Variants in TAF3 observed in about 807,000 individuals in gnomAD.
TAF3 encodes the protein TATA-box binding protein associated factor 3, also known as transcription initiation factor TFIID subunit 3.
Under a neutral mutation model 80.6 loss-of-function variants are expected in TAF3, and 7 were observed. The observed-to-expected ratio is 0.09, with a 90% CI of 0.05 to 0.16. The LOEUF (loss-of-function observed/expected upper bound fraction) is 0.16, where lower values mean the gene tolerates loss of function less well. Among genes scored for constraint, TAF3 ranks in the 10% least tolerant of loss-of-function variants. The pLI is 1.00. For synonymous variants in TAF3, 444 were observed against 446.1 expected (o/e 1.00, Z 0.06); for missense variants, 921 against 1,140.2 (o/e 0.81, Z 2.77).
intron 2 of TAF3, among the ~76,000 whole-genome samples, chr10:7,903,184 C>T (rs1397202783): frequency 6.6e-6 from 1 of 152,196 alleles, no homozygotes; most frequent in Admixed American, 6.5e-5. Flanking sequence ...TGTGCCACTG[C>T]ACTCTCAGCC....
intron 2 of TAF3, among the ~76,000 whole-genome samples, chr10:7,933,347 C>T (rs1044885421): frequency 1.3e-5 from 2 of 152,156 alleles, no homozygotes; most frequent in African/African-American, 4.8e-5. Context: ...TCTGCATCTC[C>T]CCAGAGCAGT....
At chr10:7,871,435 C>CTTTTTGTTTTTTTTTTTTTTTTTTTTTT (rs1837263999) in intron 2 of TAF3, among the ~76,000 whole-genome samples, 1 of 69,116 alleles carries the variant, frequency 1.4e-5, no homozygotes, top group Non-Finnish European at 2.9e-5. Context: ...ATAACTGCTG[C>CTTTTTGTTTTTTTTTTTTTTTTTTTTTT]TTTTTTTTTT....
At chr10:7,943,803 T>A (rs1393390050) in intron 2 of TAF3, among the ~76,000 whole-genome samples, 1 of 152,216 alleles carries the variant, frequency 6.6e-6, no homozygotes, top group African/African-American at 2.4e-5. Flanking sequence ...AAAATACTAA[T>A]GAATTTGGAA....
chr10:7,841,790 G>A (rs976198406), intron 2 of TAF3, among the ~76,000 whole-genome samples: 9 of 152,208 alleles, frequency 5.9e-5, no homozygotes, highest in Admixed American at 3.3e-4. Context: ...TAAATATCCA[G>A]ATCTTAAACA....
intron 2 of TAF3, 26 bp from the exon 3 acceptor site, chr10:7,963,894 T>C: frequency 1.3e-6 from 2 of 1,510,962 alleles, no homozygotes; most frequent in Non-Finnish European, 8.8e-7. Flanking sequence ...TATTTATTTT[T>C]TTCTTCCTTT....
Position 7,872,085 on chromosome 10 carries a change from C to G in TAF3, c.409+47525C>G, listed in dbSNP as rs576242448. The stretch of plus-strand genomic sequence containing the variant: ...TTTCATTATTTATATTAAAGAAAGT[C>G]AGCGAAATTTCCATAATTAAAGTTT... On this transcript the variant is annotated intron_variant, in intron 2 of 6. Coordinates refer to ENST00000344293, the MANE Select transcript of TAF3 (RefSeq NM_031923.4). Among the ~76,000 whole-genome samples the G allele has an allele frequency of 2.0e-5, 3 of 152,188 alleles. No homozygotes were observed. In the East Asian group the frequency reaches 5.8e-4, roughly 29 times the overall value.
chr10:7,902,215 G>A (rs989000541), intron 2 of TAF3, among the ~76,000 whole-genome samples: 3 of 152,106 alleles, frequency 2.0e-5, no homozygotes, highest in African/African-American at 7.2e-5. Flanking sequence ...CTTGAGGTCG[G>A]GAGTTCGAGA....
intron 2 of TAF3, among the ~76,000 whole-genome samples, chr10:7,938,254 A>G (rs1588558821): frequency 6.6e-6 from 1 of 152,032 alleles, no homozygotes; most frequent in African/African-American, 2.4e-5. Flanking sequence ...GTGGCTAGGG[A>G]TGGGGAGGTG....
chr10:7,927,582 C>G (rs1837827557), intron 2 of TAF3, among the ~76,000 whole-genome samples: 1 of 152,112 alleles, frequency 6.6e-6, no homozygotes, highest in Non-Finnish European at 1.5e-5. Context: ...TATGAGTTGC[C>G]TAACAACTAA....
chr10:8,012,750 C>G (rs1350799375), intron 5 of TAF3, among the ~76,000 whole-genome samples: 1 of 152,184 alleles, frequency 6.6e-6, no homozygotes, highest in Non-Finnish European at 1.5e-5. Context: ...AAGCCCATCA[C>G]TACAGTGAAA....
At chr10:7,988,856 A>G (rs187252671) in intron 4 of TAF3, among the ~76,000 whole-genome samples, 16 of 151,308 alleles carry the variant, frequency 1.1e-4, no homozygotes, top group African/African-American at 3.9e-4. Flanking sequence ...GGAAATAAGT[A>G]TCTATTATAA....
intron 2 of TAF3, among the ~76,000 whole-genome samples, chr10:7,873,623 C>CT (rs549284685): frequency 3.1e-5 from 3 of 96,462 alleles, no homozygotes; most frequent in Non-Finnish European, 6.7e-5. Context: ...GTTCTCCCCC[C>CT]CCCCCCGTCA....
intron 2 of TAF3, among the ~76,000 whole-genome samples, chr10:7,871,152 A>C (rs1348581107): frequency 6.6e-6 from 1 of 152,156 alleles, no homozygotes; most frequent in Non-Finnish European, 1.5e-5. Context: ...CCTATCATAC[A>C]ATATAAAATT....
At chr10:7,956,565 T>A (rs948617351) in intron 2 of TAF3, among the ~76,000 whole-genome samples, 2 of 152,216 alleles carry the variant, frequency 1.3e-5, no homozygotes, top group Non-Finnish European at 2.9e-5. Flanking sequence ...CAAGAAGATA[T>A]CTTAGAAAGC....
chr10:7,926,026 C>T (rs2131193114), intron 2 of TAF3, among the ~76,000 whole-genome samples: 1 of 152,266 alleles, frequency 6.6e-6, no homozygotes, highest in South Asian at 2.1e-4. Context: ...TCAAGAGCAG[C>T]TTGGGCAACT....
At chr10:7,902,530 A>G (rs1438906954) in intron 2 of TAF3, among the ~76,000 whole-genome samples, 2 of 152,190 alleles carry the variant, frequency 1.3e-5, no homozygotes, top group African/African-American at 4.8e-5. Context: ...TCAGGGGAAA[A>G]ACGTTTCTCA....
intron 3 of TAF3, chr10:7,975,207 G>A (rs903086987): frequency 9.0e-5 from 16 of 177,706 alleles, no homozygotes; most frequent in Non-Finnish European, 2.5e-5. Context: ...GTAATTGTGG[G>A]CACAGAGAAG....
intron 2 of TAF3, among the ~76,000 whole-genome samples, chr10:7,920,910 T>C (rs1178696174): frequency 1.3e-5 from 2 of 152,216 alleles, no homozygotes; most frequent in Non-Finnish European, 2.9e-5. Flanking sequence ...ATCTTAAAGC[T>C]AACTGACCTT....
chr10:7,886,338 C>G (rs1277975119), intron 2 of TAF3, among the ~76,000 whole-genome samples: 2 of 152,214 alleles, frequency 1.3e-5, no homozygotes, highest in East Asian at 3.8e-4. Flanking sequence ...TGGTCCTTCT[C>G]CAAACCCCCT....
Sources: allele counts gnomAD v4.1 joint callset (sites outside exome capture counted in the v4.1 genomes callset), GRCh38; gene constraint gnomAD v4.1.1; transcripts MANE v1.5; gene names NCBI Gene and HGNC (gene_info 2026-07-23, HGNC 2026-07-21).